Variants in KIF16B observed in about 807,000 individuals in gnomAD.
KIF16B encodes the protein kinesin-like protein KIF16B.
Under a neutral mutation model 156.3 loss-of-function variants are expected in KIF16B, and 98 were observed. That is an observed-to-expected ratio of 0.63 (90% CI 0.53 to 0.74). KIF16B has a LOEUF of 0.74. Among genes scored for constraint, KIF16B ranks in the 30% least tolerant of loss-of-function variants. The probability of loss-of-function intolerance (pLI) is 0.00; values close to 1 mark genes in which losing one functional copy is unlikely to be tolerated. For missense variants in KIF16B, 1,421 were observed against 1,606.5 expected (o/e 0.88, Z 1.97); for synonymous variants, 564 against 583.7 (o/e 0.97, Z 0.49).
intron 17 of KIF16B, among the ~76,000 whole-genome samples, chr20:16,399,405 A>G (rs1464046122): frequency 2.0e-5 from 3 of 152,168 alleles, no homozygotes; most frequent in South Asian, 2.1e-4. Flanking sequence ...TTCCCTGTTC[A>G]CTAAATCATG....
At chr20:16,437,368 G>C (rs961619095) in intron 12 of KIF16B, among the ~76,000 whole-genome samples, 1 of 152,218 alleles carries the variant, frequency 6.6e-6, no homozygotes. Context: ...TCTGGCAAGC[G>C]AAGCAGATGG....
intron 15 of KIF16B, among the ~76,000 whole-genome samples, chr20:16,421,554 A>G (rs1158208563): frequency 1.3e-5 from 2 of 152,186 alleles, no homozygotes; most frequent in African/African-American, 4.8e-5. Context: ...CACAAACATC[A>G]CGAAAAGTTA....
chr20:16,451,330 G>GA (rs150541070), intron 12 of KIF16B, among the ~76,000 whole-genome samples: 82 of 149,554 alleles, frequency 5.5e-4, no homozygotes, highest in African/African-American at 1.7e-3. Context: ...ATGAGAGACA[G>GA]AAAAAAAAAT....
intron 16 of KIF16B, among the ~76,000 whole-genome samples, chr20:16,405,570 A>G (rs2065762124): frequency 6.6e-6 from 1 of 152,158 alleles, no homozygotes; most frequent in South Asian, 2.1e-4. Flanking sequence ...GAGTCTGGGT[A>G]ACCAGTGGTC....
intron 1 of KIF16B, among the ~76,000 whole-genome samples, chr20:16,555,350 T>G (rs1340538295): frequency 2.0e-5 from 3 of 151,990 alleles, no homozygotes; most frequent in African/African-American, 7.3e-5. Flanking sequence ...TATAAAACAA[T>G]GCAGGTGGTT....
At chr20:16,448,790 G>A (rs2067002138) in intron 12 of KIF16B, among the ~76,000 whole-genome samples, 1 of 152,054 alleles carries the variant, frequency 6.6e-6, no homozygotes, top group Admixed American at 6.6e-5. Flanking sequence ...CAAGATAGCA[G>A]AAATGAAGTG....
At chr20:16,292,423 G>GA (rs1221940355) in intron 25 of KIF16B, among the ~76,000 whole-genome samples, 4 of 152,216 alleles carry the variant, frequency 2.6e-5, no homozygotes, top group African/African-American at 9.6e-5. Flanking sequence ...GTTGTCAGGG[G>GA]AAAAAATAGC....
intron 15 of KIF16B, among the ~76,000 whole-genome samples, chr20:16,413,598 A>T (rs544990592): frequency 1.3e-5 from 2 of 152,246 alleles, no homozygotes; most frequent in African/African-American, 4.8e-5. Flanking sequence ...TGTTCCCACA[A>T]GTGTGTGGTT....
intron 1 of KIF16B, among the ~76,000 whole-genome samples, chr20:16,546,155 G>A (rs2147260671): frequency 6.6e-6 from 1 of 152,252 alleles, no homozygotes; most frequent in South Asian, 2.1e-4. Context: ...TTGGGAGAGG[G>A]GGCACTAGGT....
intron 1 of KIF16B, among the ~76,000 whole-genome samples, chr20:16,541,813 C>G (rs2070212922): frequency 6.6e-6 from 1 of 152,226 alleles, no homozygotes; most frequent in African/African-American, 2.4e-5. Flanking sequence ...GCCAACTCCA[C>G]AGGCAGTCCT....
chr20:16,288,760 A>G (rs1257440775), intron 25 of KIF16B, among the ~76,000 whole-genome samples: 1 of 151,478 alleles, frequency 6.6e-6, no homozygotes, highest in Non-Finnish European at 1.5e-5. Flanking sequence ...GGATCCCATC[A>G]TAAGTGGAAC....
At position 16,432,115 on chromosome 20, in the gene KIF16B, T is replaced by C. The variant is rs1462406575; in HGVS notation, c.1303-2133A>G. On this transcript the variant is annotated intron_variant, in intron 12 of 25. Coordinates refer to ENST00000354981, the MANE Select transcript of KIF16B (RefSeq NM_024704.5). ...CCGGAAGAGAATGGTAGGCCTTATC[T>C]TGACATCAGGCCCATCTGACCCCAG... Among the ~76,000 whole-genome samples the C allele has an allele frequency of 5.3e-5, 8 of 152,144 alleles. No individual in the cohort carries two copies. In the East Asian group the frequency reaches 1.4e-3, roughly 26 times the overall value.
intron 25 of KIF16B, among the ~76,000 whole-genome samples, chr20:16,298,105 C>T (rs1013032563): frequency 1.1e-4 from 16 of 152,228 alleles, no homozygotes; most frequent in African/African-American, 3.9e-4. Context: ...TCTCACCTTT[C>T]CACAGTAGAT....
At chr20:16,351,562 T>C (rs1189798671) in intron 23 of KIF16B, among the ~76,000 whole-genome samples, 1 of 152,234 alleles carries the variant, frequency 6.6e-6, no homozygotes, top group Non-Finnish European at 1.5e-5. Context: ...AGCTTCATTC[T>C]GCTGACCAGC....
chr20:16,542,089 T>A (rs535843127), intron 1 of KIF16B, among the ~76,000 whole-genome samples: 22 of 152,036 alleles, frequency 1.4e-4, no homozygotes, highest in African/African-American at 4.8e-4. Context: ...CTACACCAAC[T>A]CCCCAGCAGA....
At chr20:16,466,678 ATTACCCAGTCT>A (rs1474208586) in intron 12 of KIF16B, among the ~76,000 whole-genome samples, 1 of 152,206 alleles carries the variant, frequency 6.6e-6, no homozygotes, top group African/African-American at 2.4e-5. Flanking sequence ...TACTTTATAA[ATTACCCAGTCT>A]TGAGTATATC....
chr20:16,459,770 C>G (rs187344077), intron 12 of KIF16B, among the ~76,000 whole-genome samples: 1 of 152,178 alleles, frequency 6.6e-6, no homozygotes, highest in African/African-American at 2.4e-5. Context: ...AAACTTAAAT[C>G]GAATCTTAAA....
At position 16,404,830 on chromosome 20, in the gene KIF16B, G is replaced by A; in HGVS notation, c.1767C>T (p.Val589=). Residue 589 remains valine (V), a synonymous_variant, in exon 17 of 26, where the codon GTC becomes GTT. Transcript: ENST00000354981. ...TCACTCACCCGGGGTTATACAACAT[G>A]ACTGCAGACAGGTTCTCACGGGACT... ...LSKSRENLSA[V]MLYNPGLEFE... The A allele has an allele frequency of 1.9e-6, 3 of 1,613,012 alleles. No homozygotes were observed. The highest frequency in any genetic ancestry group is 2.5e-6 in the Non-Finnish European group (3 of 1,179,256).
chr20:16,497,665 T>A lies in KIF16B; in HGVS notation c.1190A>T (p.Asp397Val). The A allele has an allele frequency of 6.2e-7, 1 of 1,609,302 alleles. No homozygotes were observed. The highest frequency in any genetic ancestry group is 8.5e-7 in the Non-Finnish European group (1 of 1,176,060). ...LAQGNQIALL[D>V]SPTALSMEEK... ...CTCCATACTTAAAGCTGTGGGGGAG[T>A]CTAAGAGGGCAATCTACAATATAAA... is the stretch of plus-strand genomic sequence containing the variant. Residue 397 changes from aspartate to valine, a missense_variant, in exon 11 of 26, where the codon GAC becomes GTC. By Grantham distance (152) the Asp-to-Val change is radical. Transcript: ENST00000354981.
Sources: allele counts gnomAD v4.1 joint callset (sites outside exome capture counted in the v4.1 genomes callset), GRCh38; gene constraint gnomAD v4.1.1; transcripts MANE v1.5; gene names NCBI Gene and HGNC (gene_info 2026-07-23, HGNC 2026-07-21).